Variants in METTL8 observed in about 807,000 individuals in gnomAD.
METTL8 encodes the protein methyltransferase 8, tRNA N3-cytidine, also known as tRNA N(3)-cytidine methyltransferase METTL8, mitochondrial.
METTL8 carries 32 observed loss-of-function variants against 48.7 expected under a neutral mutation model. That is an observed-to-expected ratio of 0.66 (90% confidence interval 0.50 to 0.88). The LOEUF (loss-of-function observed/expected upper bound fraction) is 0.88, where lower values mean the gene tolerates loss of function less well. METTL8 is among the 40% of genes least tolerant of loss of function. The pLI, the probability that METTL8 is intolerant of heterozygous loss-of-function variation, is 0.00. For synonymous variants in METTL8, 136 were observed against 157.1 expected (o/e 0.87, Z 1.01); for missense variants, 464 against 474.4 (o/e 0.98, Z 0.20).
At chr2:171,395,113 C>G (rs1688933469) in intron 1 of METTL8, among the ~76,000 whole-genome samples, 1 of 152,094 alleles carries the variant, frequency 6.6e-6, no homozygotes, top group Non-Finnish European at 1.5e-5. Context: ...CCAGAATGAC[C>G]CAATCCCTTT....
At chr2:171,394,848 T>A (rs964579319) in intron 1 of METTL8, among the ~76,000 whole-genome samples, 2 of 152,196 alleles carry the variant, frequency 1.3e-5, no homozygotes, top group African/African-American at 4.8e-5. Context: ...TAAATCTAAT[T>A]GGATGGAAGT....
rs185150607 is a variant in METTL8 at position 171,373,028 on chromosome 2, T to A, written c.144-12515A>T. On this transcript the variant is annotated intron_variant, in intron 2 of 9. Transcript: ENST00000375258. ...ATGGGATGACTGGATCAAATGGTAT[T>A]TCTAGTTCTAGATCCTTGAGGAATC... Among the ~76,000 whole-genome samples the A allele has an allele frequency of 2.6e-5, 4 of 152,350 alleles. No homozygotes were observed. The East Asian group carries it at 7.7e-4, about 29-fold the overall frequency.
chr2:171,356,952 A>ATGTTTTTTTTTTT, intron 3 of METTL8, among the ~76,000 whole-genome samples: 10,223 of 78,028 alleles, frequency 0.13, 3,509 homozygotes, highest in South Asian at 0.26. Flanking sequence ...CAAAGACAAT[A>ATGTTTTTTTTTTT]TTTTTTTTTT....
chr2:171,414,150 G>A (rs1432660619), intron 1 of METTL8, among the ~76,000 whole-genome samples: 1 of 152,144 alleles, frequency 6.6e-6, no homozygotes, highest in East Asian at 1.9e-4. Flanking sequence ...AGGCACAGTG[G>A]CTCATCCCTG....
chr2:171,339,386 G>C lies in METTL8; in HGVS notation c.404C>G (p.Thr135Ser). ...TCTTGAGAAACGATTTGTAGCACTA[G>C]TTTTTACATGATCCCATGATGATTC... Reference protein sequence around the residue: ...ARESSWDHVKTSATNRFSRMH... With the variant: ...ARESSWDHVKSSATNRFSRMH... The change falls in exon 4 of 10, where the codon ACT becomes AGT. Residue 135 changes from threonine (T) to serine (S), a missense_variant. Coordinates refer to ENST00000375258, the MANE Select transcript of METTL8 (RefSeq NM_001321154.2). 6.2e-7 allele frequency: 1 copy of C among 1,613,278 alleles called. No individual in the cohort carries two copies. The highest frequency in any genetic ancestry group is 8.5e-7 in the Non-Finnish European group (1 of 1,179,522).
rs779706451 is a variant in METTL8, at chr2:171,324,125, T to C, written c.*47A>G. On this transcript the variant is annotated 3_prime_UTR_variant, in exon 10 of 10. Coordinates refer to ENST00000375258, the MANE Select transcript of METTL8 (RefSeq NM_001321154.2). ...AGAAACAATAGACTTACAGTAGTCC[T>C]TGAATAGCACAGTCCTCTGGCTTTG... is the stretch of plus-strand genomic sequence containing the variant. 7.8e-5 allele frequency: 104 copies of C among 1,335,360 alleles called. 1 individual carries two copies. The highest frequency in any genetic ancestry group is 2.4e-4 in the Admixed American group (10 of 41,854). The allele number at this position is 1,335,360 out of a possible 1,614,324, so 82.7% of individuals were successfully genotyped here. A position where few individuals can be genotyped will look rare whatever the true frequency, so the allele number is the denominator to read the frequency against.
At chr2:171,418,831 T>TA (rs1691588124) in intron 1 of METTL8, among the ~76,000 whole-genome samples, 1 of 152,040 alleles carries the variant, frequency 6.6e-6, no homozygotes, top group Non-Finnish European at 1.5e-5. Context: ...AGCATGTGCC[T>TA]GTGGCCCCAG....
At chr2:171,363,817 T>TATATATATATATATATGTATA (rs1228494441) in intron 2 of METTL8, among the ~76,000 whole-genome samples, 2 of 129,052 alleles carry the variant, frequency 1.5e-5, no homozygotes, top group African/African-American at 2.9e-5. Context: ...TATATATATC[T>TATATATATATATATATGTATA]TTTTTTTTTT....
chr2:171,375,149 C>T (rs145589841), intron 2 of METTL8: 82 of 1,455,766 alleles, frequency 5.6e-5, no homozygotes, highest in Middle Eastern at 5.5e-4. Flanking sequence ...GCCTCCACTA[C>T]GTTTCGAATG....
intron 3 of METTL8, among the ~76,000 whole-genome samples, chr2:171,346,700 A>G (rs529865881): frequency 6.6e-6 from 1 of 152,334 alleles, no homozygotes; most frequent in African/African-American, 2.4e-5. Flanking sequence ...ACTCTCCTAG[A>G]TAAGAAAAGA....
At chr2:171,382,915 A>T (rs1214477163) in intron 2 of METTL8, among the ~76,000 whole-genome samples, 1 of 152,028 alleles carries the variant, frequency 6.6e-6, no homozygotes, top group Non-Finnish European at 1.5e-5. Context: ...TCTACTAAAA[A>T]TACAAAAAAT....
chr2:171,376,875 C>A (rs1035731049), intron 2 of METTL8, among the ~76,000 whole-genome samples: 7 of 152,078 alleles, frequency 4.6e-5, no homozygotes, highest in Non-Finnish European at 8.8e-5. Flanking sequence ...CAAAAAAGAG[C>A]CCATAGAGCC....
rs2105399606 is a variant in METTL8, at chr2:171,331,794, A to G, written c.720+10T>C. The stretch of plus-strand genomic sequence containing the variant: ...GGCATCAGTTGGTATGATTCCCAGG[A>G]GTAGCATACCTTTACGAGCTCCACA... On this transcript the variant is annotated intron_variant, in intron 6 of 9. Coordinates refer to ENST00000375258, the MANE Select transcript of METTL8 (RefSeq NM_001321154.2). 3.1e-6 allele frequency: 5 copies of G among 1,592,490 alleles called. No individual in the cohort carries two copies. The East Asian group carries it at 1.1e-4, about 36-fold the overall frequency.
In METTL8 at chr2:171,322,938, C is replaced by T. The variant is rs1684604903; in HGVS notation, c.*1234G>A. ...TGTTGCCATGGCATTTGTAAACTAT[C>T]ATGGCACTGGTGGGAGTGTAGCAGT... On this transcript the variant is annotated 3_prime_UTR_variant, in exon 10 of 10. Coordinates refer to ENST00000375258, the MANE Select transcript of METTL8 (RefSeq NM_001321154.2). The T allele has an allele frequency of 6.6e-6, 1 of 152,166 alleles. No homozygotes were observed. 9.4% of individuals were successfully genotyped at this position (152,166 alleles called of 1,614,324 possible). A position where few individuals can be genotyped will look rare whatever the true frequency, so the allele number is the denominator to read the frequency against.
At chr2:171,420,122 G>T (rs1691723369) in intron 1 of METTL8, among the ~76,000 whole-genome samples, 1 of 152,082 alleles carries the variant, frequency 6.6e-6, no homozygotes, top group African/African-American at 2.4e-5. Context: ...AGGCCAAGGT[G>T]GGCGGATCAC....
At chr2:171,356,952 A>ATGCTTTTTTTTTTTTT in intron 3 of METTL8, among the ~76,000 whole-genome samples, 1 of 78,488 alleles carries the variant, frequency 1.3e-5, no homozygotes, top group Admixed American at 1.9e-4. Context: ...CAAAGACAAT[A>ATGCTTTTTTTTTTTTT]TTTTTTTTTT....
rs141399710 is a variant in METTL8, at chr2:171,345,634, T to C, written c.236-6080A>G. Among the ~76,000 whole-genome samples, 288 of 152,336 alleles carry C rather than the reference T, an allele frequency of 1.9e-3. 5 individuals are homozygous for C. In the East Asian group the frequency reaches 0.028, roughly 15 times the overall value. On this transcript the variant is annotated intron_variant, in intron 3 of 9. Coordinates refer to ENST00000375258, the MANE Select transcript of METTL8 (RefSeq NM_001321154.2). Reference sequence around the variant, plus strand: ...ATATATTTTTTTCACATAGAACATTTTCTCAATGGTAAGGTATTCACAAAG... The same window carrying C: ...ATATATTTTTTTCACATAGAACATTCTCTCAATGGTAAGGTATTCACAAAG...
At position 171,360,681 on chromosome 2, in the gene METTL8, G is replaced by A. The variant is rs149704669; in HGVS notation, c.144-168C>T. 6.2e-3 allele frequency among the ~76,000 whole-genome samples: 945 copies of A among 152,232 alleles called. 12 individuals are homozygous for A. Among genetic ancestry groups the A allele is most frequent in the African/African-American group, 0.021 (883 of 41,538 alleles). ...GTAAGATGTTCCTACTGATGGCGCTGGTACAACCCTGGAACTCCTAAGATT... is the reference window on the plus strand; with the variant it reads ...GTAAGATGTTCCTACTGATGGCGCTAGTACAACCCTGGAACTCCTAAGATT... On this transcript the variant is annotated intron_variant, in intron 2 of 9. Transcript: ENST00000375258.
chr2:171,412,712 A>T (rs1408570459), intron 1 of METTL8, among the ~76,000 whole-genome samples: 2 of 151,778 alleles, frequency 1.3e-5, no homozygotes, highest in Admixed American at 1.3e-4. Flanking sequence ...TTCTTCACCA[A>T]CTATGGACTC....
Sources: gnomAD v4.1 joint callset for allele counts (sites outside exome capture counted in the v4.1 genomes callset) on GRCh38, gnomAD v4.1.1 for gene constraint, MANE v1.5 for transcripts, NCBI Gene and HGNC (gene_info 2026-07-23, HGNC 2026-07-21) for gene names.